The following C9orf85 variants were observed in gnomAD, a reference collection of about 807,000 sequenced individuals.
The protein encoded by C9orf85 is chromosome 9 open reading frame 85, also known as uncharacterized protein C9orf85.
C9orf85 carries 16 observed loss-of-function variants against 14.9 expected under a neutral mutation model. That is an observed-to-expected ratio of 1.08 (90% CI 0.73 to 1.63). C9orf85 has a LOEUF of 1.63. C9orf85 is among the 40% of genes most tolerant of loss of function. C9orf85 has a pLI of 0.00. For synonymous variants in C9orf85, 45 were observed against 56.8 expected, an observed-to-expected ratio of 0.79 and a Z score of 0.93; for missense variants, 172 against 186.1, an observed-to-expected ratio of 0.92 and a Z score of 0.44.
chr9:71,918,044 G>A (rs761060864), intron 1 of C9orf85, among the ~76,000 whole-genome samples: 2 of 152,030 alleles, frequency 1.3e-5, no homozygotes, highest in Non-Finnish European at 2.9e-5. Flanking sequence ...TTAGCCAGGC[G>A]TGGTGGTGGC....
intron 1 of C9orf85, among the ~76,000 whole-genome samples, chr9:71,940,838 CATT>C (rs1199232278): frequency 1.3e-5 from 2 of 152,064 alleles, no homozygotes; most frequent in African/African-American, 2.4e-5. Flanking sequence ...ATTGAATAAA[CATT>C]ATGGTAATTT....
chr9:71,927,250 C>A, intron 1 of C9orf85, among the ~76,000 whole-genome samples: 2 of 135,362 alleles, frequency 1.5e-5, no homozygotes, highest in African/African-American at 2.7e-5. Flanking sequence ...AAAAATCATC[C>A]AGGCTGAAAG....
chr9:71,970,347 T>C (rs1455033555), intron 2 of C9orf85, among the ~76,000 whole-genome samples: 1 of 152,206 alleles, frequency 6.6e-6, no homozygotes, highest in African/African-American at 2.4e-5. Context: ...AATGTATTGC[T>C]CTTGTATAGA....
chr9:71,971,159 A>G lies in C9orf85; in HGVS notation c.210-346A>G, dbSNP rs532149461. Among the ~76,000 whole-genome samples the G allele has an allele frequency of 8.5e-5, 13 of 152,214 alleles. No individual in the cohort carries two copies. The East Asian group carries it at 2.5e-3, about 29-fold the overall frequency. ...GTAATTTTCAGTGTATTGGTCTTGC[A>G]CTTCTTTTATTGGATTTATTCCTTT... On this transcript the variant is annotated intron_variant, in intron 2 of 3. Coordinates refer to ENST00000334731, the MANE Select transcript of C9orf85 (RefSeq NM_182505.5).
downstream of C9orf85, chr9:71,983,399 A>T (rs963889264): frequency 1.3e-5 from 2 of 152,196 alleles, no homozygotes; most frequent in African/African-American, 2.4e-5. Flanking sequence ...TTTTCTTACC[A>T]TTGAGTTATG....
At chr9:71,938,487 A>G (rs1162115499) in intron 1 of C9orf85, among the ~76,000 whole-genome samples, 4 of 152,018 alleles carry the variant, frequency 2.6e-5, no homozygotes, top group Non-Finnish European at 5.9e-5. Flanking sequence ...AATAGCAACA[A>G]TGTTTACAAA....
In C9orf85 at chr9:71,936,273, T is replaced by A. The variant is rs117396616; in HGVS notation, c.103-10733T>A. On this transcript the variant is annotated intron_variant, in intron 1 of 3. Coordinates refer to ENST00000334731, the MANE Select transcript of C9orf85 (RefSeq NM_182505.5). ...ACTAGGGACATAGTTTTGGATGTAA[T>A]CTTCGTTGAGCTCATTGCTGAGGCT... Among the ~76,000 whole-genome samples, 765 of 152,206 alleles carry A rather than the reference T, an allele frequency of 5.0e-3. 2 individuals are homozygous for A. Among genetic ancestry groups the A allele is most frequent in the Non-Finnish European group, 8.7e-3 (595 of 68,018 alleles).
intron 2 of C9orf85, among the ~76,000 whole-genome samples, chr9:71,967,034 T>C (rs567956741): frequency 6.6e-6 from 1 of 152,346 alleles, no homozygotes; most frequent in South Asian, 2.1e-4. Context: ...ACCCTCTGGC[T>C]TGTTTTTTCA....
downstream of C9orf85, chr9:71,985,262 G>A (rs938136405): frequency 6.6e-6 from 1 of 152,218 alleles, no homozygotes; most frequent in African/African-American, 2.4e-5. Context: ...TATCTGATGA[G>A]AGGAAAGTAA....
chr9:71,953,383 C>A (rs202206332), intron 2 of C9orf85, among the ~76,000 whole-genome samples: 1 of 152,150 alleles, frequency 6.6e-6, no homozygotes, highest in African/African-American at 2.4e-5. Context: ...GAGCCCAGAC[C>A]TTACAAGCTG....
intron 3 of C9orf85, among the ~76,000 whole-genome samples, chr9:71,971,824 A>G (rs895520338): frequency 1.3e-5 from 2 of 152,044 alleles, no homozygotes; most frequent in Admixed American, 6.6e-5. Flanking sequence ...ATACAAAAAA[A>G]TTAGCCGGGC....
At chr9:71,967,688 CT>C (rs1554709438) in intron 2 of C9orf85, among the ~76,000 whole-genome samples, 1 of 2,604 alleles carries the variant, frequency 3.8e-4, no homozygotes, top group Non-Finnish European at 1.3e-3. Flanking sequence ...ACACTTATTT[CT>C]TCTTTTCAAT....
At chr9:71,928,939 C>G (rs1489125080) in intron 1 of C9orf85, among the ~76,000 whole-genome samples, 1 of 152,118 alleles carries the variant, frequency 6.6e-6, no homozygotes, top group Non-Finnish European at 1.5e-5. Context: ...TGAAGTTAGG[C>G]AGGTCACATG....
intron 1 of C9orf85, among the ~76,000 whole-genome samples, chr9:71,938,190 A>T (rs188373490): frequency 1.0e-3 from 157 of 152,226 alleles, no homozygotes; most frequent in African/African-American, 3.6e-3. Flanking sequence ...AAGTTTTCAT[A>T]TAGTAGGGGT....
intron 2 of C9orf85, among the ~76,000 whole-genome samples, chr9:71,963,735 C>T (rs1157603272): frequency 2.0e-5 from 3 of 152,194 alleles, no homozygotes; most frequent in Non-Finnish European, 2.9e-5. Context: ...AGCCCACTGG[C>T]GCTGCGCTTG....
At chr9:71,960,195 G>A (rs977244226) in intron 2 of C9orf85, among the ~76,000 whole-genome samples, 2 of 152,194 alleles carry the variant, frequency 1.3e-5, no homozygotes, top group Non-Finnish European at 2.9e-5. Context: ...ACAGTGATAG[G>A]AAACCCTGTG....
chr9:71,969,028 G>T (rs939615406), intron 2 of C9orf85, among the ~76,000 whole-genome samples: 1 of 152,192 alleles, frequency 6.6e-6, no homozygotes, highest in East Asian at 1.9e-4. Flanking sequence ...GGGAACAGAT[G>T]TGAACTACTG....
rs768839654 is a variant in C9orf85 at position 71,972,717 on chromosome 9, G to A, written c.349G>A (p.Glu117Lys). 6.5e-5 allele frequency: 103 copies of A among 1,592,364 alleles called. No individual in the cohort carries two copies. Among genetic ancestry groups the A allele is most frequent in the Admixed American group, 5.2e-5 (3 of 57,900 alleles). Residue 117 changes from glutamate to lysine, a missense_variant, in exon 4 of 4, where the codon GAA (glutamate) becomes AAA (lysine). Coordinates refer to ENST00000334731, the MANE Select transcript of C9orf85 (RefSeq NM_182505.5). ...GTTGAATAAAGAAACAGAAAAAATA[G>A]AACATACTGAAAATAATCTAAGTTC... ...IPLNKETEKI[E>K]HTENNLSSNH...
chr9:71,919,859 CTTTTTTTT>C (rs755382234), intron 1 of C9orf85, among the ~76,000 whole-genome samples: 1 of 142,028 alleles, frequency 7.0e-6, no homozygotes. Flanking sequence ...TTCTTTTTTT[CTTTTTTTT>C]TTTTTGAGAC....
Sources: allele counts gnomAD v4.1 joint callset (sites outside exome capture counted in the v4.1 genomes callset), GRCh38; gene constraint gnomAD v4.1.1; transcripts MANE v1.5; gene names NCBI Gene and HGNC (gene_info 2026-07-23, HGNC 2026-07-21).